KCNB2: variants seen among roughly 807,000 people sequenced by gnomAD.
The protein encoded by KCNB2 is delayed rectifier potassium channel protein.
In KCNB2, 15 loss-of-function variants were observed where a neutral mutation model predicts 61.5. The ratio of observed to expected loss-of-function variants is 0.24; its 90% CI spans 0.16 to 0.38. The LOEUF (loss-of-function observed/expected upper bound fraction) is 0.38. KCNB2 is among the 10% of genes least tolerant of loss of function. The pLI is 1.00. For synonymous variants in KCNB2, 457 were observed against 446.0 expected (o/e 1.02, Z -0.31); for missense variants, 828 against 1,125.2 (o/e 0.74, Z 3.78).
At chr8:72,539,224 A>G (rs543588371) in intron 1 of KCNB2, among the ~76,000 whole-genome samples, 15 of 152,298 alleles carry the variant, frequency 9.8e-5, no homozygotes, top group Admixed American at 3.3e-4. Flanking sequence ...ACACATGTGT[A>G]TGCGCATTTA....
intron 2 of KCNB2, among the ~76,000 whole-genome samples, chr8:72,633,410 C>A (rs887392056): frequency 6.6e-6 from 1 of 152,140 alleles, no homozygotes; most frequent in African/African-American, 2.4e-5. Flanking sequence ...CCAGGATAAT[C>A]TCCCTATTTT....
chr8:72,778,440 T>C (rs1808694706), intron 2 of KCNB2, among the ~76,000 whole-genome samples: 1 of 151,810 alleles, frequency 6.6e-6, no homozygotes, highest in Non-Finnish European at 1.5e-5. Flanking sequence ...GTCTCCTTTC[T>C]CTAGAAATTT....
At chr8:72,760,550 A>G (rs1042097675) in intron 2 of KCNB2, among the ~76,000 whole-genome samples, 10 of 152,188 alleles carry the variant, frequency 6.6e-5, no homozygotes, top group Admixed American at 2.6e-4. Flanking sequence ...TCCCAGACCT[A>G]CTAAATCAGA....
chr8:72,836,082 T>C (rs1809777223), intron 2 of KCNB2, among the ~76,000 whole-genome samples: 1 of 152,254 alleles, frequency 6.6e-6, no homozygotes, highest in African/African-American at 2.4e-5. Flanking sequence ...AAAATGTCAA[T>C]GCCACATCTA....
intron 2 of KCNB2, among the ~76,000 whole-genome samples, chr8:72,599,056 C>T (rs577857611): frequency 6.6e-6 from 1 of 152,258 alleles, no homozygotes; most frequent in African/African-American, 2.4e-5. Flanking sequence ...CCGTCCCCAT[C>T]AAACTACCAA....
At chr8:72,835,067 A>G (rs562772225) in intron 2 of KCNB2, among the ~76,000 whole-genome samples, 66 of 152,282 alleles carry the variant, frequency 4.3e-4, no homozygotes, top group African/African-American at 1.2e-3. Flanking sequence ...CTCAGCTTAT[A>G]CATTACTGAG....
intron 2 of KCNB2, among the ~76,000 whole-genome samples, chr8:72,820,367 G>A (rs1256897585): frequency 6.6e-6 from 1 of 152,132 alleles, no homozygotes; most frequent in Non-Finnish European, 1.5e-5. Flanking sequence ...TTCCTAAATA[G>A]TATATTTATT....
chr8:72,684,728 A>G (rs996961580), intron 2 of KCNB2, among the ~76,000 whole-genome samples: 2 of 152,224 alleles, frequency 1.3e-5, no homozygotes, highest in Non-Finnish European at 2.9e-5. Context: ...CAGTTAAAAC[A>G]GACTATCACT....
intron 2 of KCNB2, among the ~76,000 whole-genome samples, chr8:72,668,699 C>T (rs2128987992): frequency 1.3e-5 from 2 of 152,188 alleles, no homozygotes; most frequent in South Asian, 4.2e-4. Context: ...TATTATTTTC[C>T]ATCACAGAAT....
chr8:72,768,687 A>G (rs894252367), intron 2 of KCNB2, among the ~76,000 whole-genome samples: 1 of 152,092 alleles, frequency 6.6e-6, no homozygotes, highest in Admixed American at 6.6e-5. Flanking sequence ...AGAATTTTAT[A>G]GTGTATCTCT....
At chr8:72,668,332 C>G (rs1806511813) in intron 2 of KCNB2, among the ~76,000 whole-genome samples, 1 of 152,170 alleles carries the variant, frequency 6.6e-6, no homozygotes. Flanking sequence ...ATTGACACCA[C>G]AAGTCCCCAC....
In KCNB2 at chr8:72,718,607, T is replaced by C. The variant is rs370944723; in HGVS notation, c.579+150294T>C. Among the ~76,000 whole-genome samples the C allele has an allele frequency of 1.8e-4, 24 of 134,250 alleles. No individual in the cohort carries two copies. The East Asian group carries it at 2.2e-3, about 12-fold the overall frequency. 88.1% of individuals were successfully genotyped at this position (134,250 alleles called of 152,430 possible). A position where few individuals can be genotyped will look rare whatever the true frequency, so the allele number is the denominator to read the frequency against. Reference sequence around the variant, plus strand: ...CATGTTCTCACTCATAGGTGGGAATTGAACAACGAGAACACATGGACACAG... The same window carrying C: ...CATGTTCTCACTCATAGGTGGGAATCGAACAACGAGAACACATGGACACAG... On this transcript the variant is annotated intron_variant, in intron 2 of 2. Transcript: ENST00000523207.
intron 2 of KCNB2, among the ~76,000 whole-genome samples, chr8:72,874,033 T>C (rs1208202658): frequency 6.6e-6 from 1 of 152,274 alleles, no homozygotes; most frequent in Non-Finnish European, 1.5e-5. Flanking sequence ...GTATTTTCCT[T>C]ACTTCTGAAA....
At chr8:72,724,464 TTAATTGG>T (rs1345339327) in intron 2 of KCNB2, among the ~76,000 whole-genome samples, 3 of 152,182 alleles carry the variant, frequency 2.0e-5, no homozygotes, top group African/African-American at 7.2e-5. Flanking sequence ...AGCTAGTGCC[TTAATTGG>T]TAAAGTCCAG....
chr8:72,767,176 CA>C (rs1247753418), intron 2 of KCNB2, among the ~76,000 whole-genome samples: 1 of 152,138 alleles, frequency 6.6e-6, no homozygotes, highest in Non-Finnish European at 1.5e-5. Flanking sequence ...GGGACACAGC[CA>C]AACCATATCA....
At chr8:72,560,896 T>C (rs770078811) in intron 1 of KCNB2, among the ~76,000 whole-genome samples, 2 of 152,208 alleles carry the variant, frequency 1.3e-5, no homozygotes, top group Non-Finnish European at 2.9e-5. Flanking sequence ...TTAGTGAACA[T>C]ATATGTTTAG....
chr8:72,906,727 AATGTT>A (rs1806183881), intron 2 of KCNB2, among the ~76,000 whole-genome samples: 1 of 152,164 alleles, frequency 6.6e-6, no homozygotes, highest in Non-Finnish European at 1.5e-5. Flanking sequence ...CTTTCTAATT[AATGTT>A]AAGTTTTCCA....
intron 2 of KCNB2, among the ~76,000 whole-genome samples, chr8:72,661,874 CTTACAGTCTTTTATTAA>C (rs1389851604): frequency 6.6e-6 from 1 of 152,180 alleles, no homozygotes. Flanking sequence ...GACCTGGAGA[CTTACAGTCTTTTATTAA>C]TGATCTCAGT....
At chr8:72,705,745 C>T (rs1486214816) in intron 2 of KCNB2, among the ~76,000 whole-genome samples, 1 of 152,176 alleles carries the variant, frequency 6.6e-6, no homozygotes, top group Non-Finnish European at 1.5e-5. Flanking sequence ...TCTTAAGAGA[C>T]ACCAGAGTTG....
Sources: allele counts gnomAD v4.1 joint callset (sites outside exome capture counted in the v4.1 genomes callset), GRCh38; gene constraint gnomAD v4.1.1; transcripts MANE v1.5; gene names NCBI Gene and HGNC (gene_info 2026-07-23, HGNC 2026-07-21).